The following LYSMD4 variants were observed in gnomAD, a reference collection of about 807,000 sequenced individuals.
The protein encoded by LYSMD4 is lysM and putative peptidoglycan-binding domain-containing protein 4.
LYSMD4 carries 9 observed loss-of-function variants against 6.1 expected under a neutral mutation model. The ratio of observed to expected loss-of-function variants is 1.47; its 90% CI spans 0.88 to 2.56. LYSMD4 has a LOEUF of 2.56. Ranked by LOEUF, LYSMD4 falls within the 30% of genes most tolerant of loss-of-function variation. The pLI, the probability that LYSMD4 is intolerant of heterozygous loss-of-function variation, is 0.00. For missense variants in LYSMD4, 384 were observed against 373.5 expected (o/e 1.03, Z -0.23); for synonymous variants, 143 against 148.5 (o/e 0.96, Z 0.27).
intron 2 of LYSMD4, among the ~76,000 whole-genome samples, chr15:99,730,627 AG>A (rs2059382512): frequency 6.7e-6 from 1 of 149,728 alleles, no homozygotes; most frequent in Admixed American, 6.7e-5. Context: ...GATTTGGGGT[AG>A]GGGACATTTT....
chr15:99,727,113 G>A (rs926445119), downstream of LYSMD4, among the ~76,000 whole-genome samples: 11 of 152,282 alleles, frequency 7.2e-5, no homozygotes, highest in Non-Finnish European at 1.5e-4. Flanking sequence ...AGTGGCTCAC[G>A]TCTGTAATCC....
exon 1 of LYSMD4, chr15:99,716,556 C>T (rs545541712): frequency 2.2e-6 from 1 of 456,684 alleles, no homozygotes; most frequent in Non-Finnish European, 4.4e-6. Context: ...AGCCCCTTCC[C>T]CTAAAGCCCT....
upstream of LYSMD4, among the ~76,000 whole-genome samples, chr15:99,722,259 T>G (rs2059242974): frequency 6.6e-6 from 1 of 152,084 alleles, no homozygotes; most frequent in South Asian, 2.1e-4. Context: ...CGGAGAATCT[T>G]AAAAAGGCAT....
upstream of LYSMD4, among the ~76,000 whole-genome samples, chr15:99,719,773 A>G (rs1463873781): frequency 6.6e-6 from 1 of 152,240 alleles, no homozygotes; most frequent in African/African-American, 2.4e-5. Flanking sequence ...TTTGCAAGGT[A>G]TCGCCAAATT....
chr15:99,732,247 GC>G (rs2059436761), intron 1 of LYSMD4, among the ~76,000 whole-genome samples: 1 of 152,048 alleles, frequency 6.6e-6, no homozygotes, highest in Non-Finnish European at 1.5e-5. Context: ...AACGAACCCC[GC>G]CCCTGTTCCT....
chr15:99,723,456 G>A (rs2059253116), downstream of LYSMD4, among the ~76,000 whole-genome samples: 5 of 152,226 alleles, frequency 3.3e-5, no homozygotes, highest in South Asian at 1.0e-3. Context: ...CTTATCTTCT[G>A]TATTCTTGAT....
chr15:99,722,713 C>G (rs1198575397), downstream of LYSMD4, among the ~76,000 whole-genome samples: 3 of 152,150 alleles, frequency 2.0e-5, no homozygotes, highest in African/African-American at 4.8e-5. Flanking sequence ...TCCAACAGAA[C>G]CTTTAGAGAT....
upstream of LYSMD4, among the ~76,000 whole-genome samples, chr15:99,718,840 T>C (rs1184702362): frequency 6.6e-6 from 1 of 152,166 alleles, no homozygotes; most frequent in Non-Finnish European, 1.5e-5. Flanking sequence ...GATGTGCTTA[T>C]TGTTACCAGG....
At chr15:99,726,543 C>T (rs2059284603), downstream of LYSMD4, among the ~76,000 whole-genome samples, 2 of 152,184 alleles carry the variant, frequency 1.3e-5, no homozygotes, top group South Asian at 4.1e-4. Context: ...ATGGCGGGGC[C>T]TTGACTGTCC....
At chr15:99,722,450 A>C (rs1272436196), downstream of LYSMD4, among the ~76,000 whole-genome samples, 3 of 152,216 alleles carry the variant, frequency 2.0e-5, no homozygotes, top group African/African-American at 7.2e-5. Context: ...ATTTAAAGGA[A>C]GACAACAAAA....
At chr15:99,720,024 T>C (rs2059226175), upstream of LYSMD4, among the ~76,000 whole-genome samples, 1 of 152,226 alleles carries the variant, frequency 6.6e-6, no homozygotes, top group South Asian at 2.1e-4. Context: ...GATTTTTTAT[T>C]TTCATCCTCC....
chr15:99,731,967 G>T lies in LYSMD4; in HGVS notation c.33C>A (p.Phe11Leu). Residue 11 changes from phenylalanine to leucine, a missense_variant, in exon 2 of 3, where the codon TTC becomes TTA. By Grantham distance (22) the Phe-to-Leu change is conservative (BLOSUM62 0). Transcript: ENST00000684762. Reference sequence around the variant, plus strand: ...TCCCACACACAACAGCTGGGCCTTGGAAGGTCTTGGTTAACAATTCCTCGT... The same window carrying T: ...TCCCACACACAACAGCTGGGCCTTGTAAGGTCTTGGTTAACAATTCCTCGT... Reference protein sequence around the residue: MRHEELLTKTFQGPAVVCGTP... With the variant: MRHEELLTKTLQGPAVVCGTP... 1 of 1,599,670 alleles carries T rather than the reference G, an allele frequency of 6.3e-7. No homozygotes were observed. The highest frequency in any genetic ancestry group is 8.5e-7 in the Non-Finnish European group (1 of 1,172,382).
upstream of LYSMD4, among the ~76,000 whole-genome samples, chr15:99,718,557 A>C (rs2059212328): frequency 6.6e-6 from 1 of 151,786 alleles, no homozygotes; most frequent in Non-Finnish European, 1.5e-5. Context: ...TCATTTCGTT[A>C]CTCATTATGT....
chr15:99,733,408 C>T lies in LYSMD4; in HGVS notation c.-72G>A. On this transcript the variant is annotated 5_prime_UTR_variant, in exon 1 of 3. Coordinates refer to ENST00000684762, the MANE Select transcript of LYSMD4 (RefSeq NM_001284417.2). ...CTCGCGACCCGCGACCCGCGACCCG[C>T]AGCTGCCACCGCGCCTGCGGATTGG... The T allele has an allele frequency of 2.5e-6, 1 of 395,556 alleles. No homozygotes were observed. Among genetic ancestry groups the T allele is most frequent in the Non-Finnish European group, 4.5e-6 (1 of 224,114 alleles). 24.5% of individuals were successfully genotyped at this position (395,556 alleles called of 1,614,324 possible). A position where few individuals can be genotyped will look rare whatever the true frequency, so the allele number is the denominator to read the frequency against.
At chr15:99,729,767 C>A (rs189607933) in intron 2 of LYSMD4, 36 bp from the exon 3 acceptor site, 45 of 1,550,220 alleles carry the variant, frequency 2.9e-5, no homozygotes, top group Non-Finnish European at 3.8e-5. Context: ...ATAAAATATG[C>A]GGAGCTCCTT....
At chr15:99,716,681 T>C (rs371371864) in exon 1 of LYSMD4, 137 of 456,722 alleles carry the variant, frequency 3.0e-4, no homozygotes, top group African/African-American at 2.3e-3. Flanking sequence ...CCTTGTCGGC[T>C]CCCGGGTCAT....
At chr15:99,723,050 AAAAG>A (rs1159090910), downstream of LYSMD4, among the ~76,000 whole-genome samples, 1 of 151,954 alleles carries the variant, frequency 6.6e-6, no homozygotes, top group African/African-American at 2.4e-5. Context: ...TTTTTTTAAA[AAAAG>A]GACGCACTGA....
At chr15:99,724,145 G>A (rs2059259186), downstream of LYSMD4, among the ~76,000 whole-genome samples, 1 of 150,954 alleles carries the variant, frequency 6.6e-6, no homozygotes, top group Non-Finnish European at 1.5e-5. Context: ...TTCAGATGTC[G>A]ACTAAGGAAA....
chr15:99,728,747 C>T lies in LYSMD4; in HGVS notation c.*376G>A, dbSNP rs1030982341. 16 of 245,572 alleles carry T rather than the reference C, an allele frequency of 6.5e-5. No individual in the cohort carries two copies. The highest frequency in any genetic ancestry group is 3.5e-4 in the African/African-American group (16 of 46,128). 15.2% of individuals were successfully genotyped at this position (245,572 alleles called of 1,614,324 possible). A position where few individuals can be genotyped will look rare whatever the true frequency, so the allele number is the denominator to read the frequency against. ...AGGATACAGCAAGAGCCAGGCAAGC[C>T]GCGCAGATGCCACTGGCTCTCACGC... On this transcript the variant is annotated 3_prime_UTR_variant, in exon 3 of 3. Coordinates refer to ENST00000684762, the MANE Select transcript of LYSMD4 (RefSeq NM_001284417.2).
Sources: gnomAD v4.1 joint callset for allele counts (sites outside exome capture counted in the v4.1 genomes callset) on GRCh38, gnomAD v4.1.1 for gene constraint, MANE v1.5 for transcripts, NCBI Gene and HGNC (gene_info 2026-07-23, HGNC 2026-07-21) for gene names.